RNF220: variants seen among roughly 807,000 people sequenced by gnomAD.
RNF220 encodes the protein E3 ubiquitin-protein ligase RNF220.
A neutral mutation model predicts 67.1 loss-of-function variants in RNF220; 7 were observed. That is an observed-to-expected ratio of 0.10 (90% CI 0.06 to 0.20). The LOEUF (loss-of-function observed/expected upper bound fraction) is 0.20, where lower values mean the gene tolerates loss of function less well. RNF220 is among the 10% of genes least tolerant of loss of function. The probability of loss-of-function intolerance (pLI) is 1.00; values close to 1 mark genes in which losing one functional copy is unlikely to be tolerated. For missense variants in RNF220, 565 were observed against 740.3 expected (o/e 0.76, Z 2.75); for synonymous variants, 270 against 283.2 (o/e 0.95, Z 0.47).
At chr1:44,479,871 G>A (rs1001015501) in intron 2 of RNF220, among the ~76,000 whole-genome samples, 1 of 152,286 alleles carries the variant, frequency 6.6e-6, no homozygotes, top group African/African-American at 2.4e-5. Flanking sequence ...AAAGCAGCCA[G>A]CTCATGCTTG....
At chr1:44,406,965 G>A (rs1233133848) in intron 1 of RNF220, among the ~76,000 whole-genome samples, 1 of 152,242 alleles carries the variant, frequency 6.6e-6, no homozygotes, top group Non-Finnish European at 1.5e-5. Context: ...AGGGCAGCCA[G>A]GAGGCAGGGG....
chr1:44,487,576 T>C (rs1656425437), intron 2 of RNF220, among the ~76,000 whole-genome samples: 1 of 150,790 alleles, frequency 6.6e-6, no homozygotes. Flanking sequence ...CTCCCACCTG[T>C]AATCCCAGCA....
Position 44,635,537 on chromosome 1 carries a change from C to T in RNF220, c.950-8C>T. ...GTTCTGTGCTTTGTTTTCGGTTTCC[C>T]CGTGCAGCTCGGATTGGGAAAATGA... On this transcript the variant is annotated splice_polypyrimidine_tract_variant and splice_region_variant and intron_variant, in intron 6 of 14. Transcript: ENST00000361799. The T allele has an allele frequency of 6.2e-7, 1 of 1,613,630 alleles. No homozygotes were observed. The highest frequency in any genetic ancestry group is 8.5e-7 in the Non-Finnish European group (1 of 1,179,676).
At position 44,507,873 on chromosome 1, in the gene RNF220, C is replaced by A. The variant is rs374363150; in HGVS notation, c.625+95151C>A. Among the ~76,000 whole-genome samples, 37 of 152,076 alleles carry A rather than the reference C, an allele frequency of 2.4e-4. 1 individual carries two copies. In the East Asian group the frequency reaches 6.0e-3, roughly 25 times the overall value. ...CTCTTTTGTGTGGAGGTGCCCCCCC[C>A]TCACCACACTCCCCCTTCTTTTTCT... On this transcript the variant is annotated intron_variant, in intron 2 of 14. Coordinates refer to ENST00000361799, the MANE Select transcript of RNF220 (RefSeq NM_018150.4).
intron 4 of RNF220, among the ~76,000 whole-genome samples, chr1:44,623,632 G>A (rs1643871130): frequency 1.3e-5 from 2 of 152,212 alleles, no homozygotes; most frequent in African/African-American, 4.8e-5. Flanking sequence ...AGTGAGGAAT[G>A]ACTATGGAAG....
At chr1:44,463,816 T>C (rs901687083) in intron 2 of RNF220, among the ~76,000 whole-genome samples, 12 of 152,228 alleles carry the variant, frequency 7.9e-5, no homozygotes, top group African/African-American at 2.9e-4. Context: ...CTCATGGAGT[T>C]TGAGCTTTAA....
intron 2 of RNF220, among the ~76,000 whole-genome samples, chr1:44,591,592 A>T (rs559348743): frequency 1.3e-5 from 2 of 152,354 alleles, no homozygotes; most frequent in South Asian, 4.1e-4. Flanking sequence ...GGTTAGAGGC[A>T]TGGCCAGAGC....
chr1:44,412,014 C>G lies in RNF220; in HGVS notation c.-84C>G, dbSNP rs1557898275. On this transcript the variant is annotated 5_prime_UTR_variant, in exon 2 of 15. Coordinates refer to ENST00000361799, the MANE Select transcript of RNF220 (RefSeq NM_018150.4). This position sits in a 1 kb window ranked among gnomAD's most constrained non-coding sequence, Gnocchi z 5.3. The stretch of plus-strand genomic sequence containing the variant: ...AGGGAATGATTCCCCAGTAATATTC[C>G]CTGCCCTGACCCAAAGTGCTGGTTG... 2 of 1,481,988 alleles carry G rather than the reference C, an allele frequency of 1.3e-6. No individual in the cohort carries two copies. The highest frequency in any genetic ancestry group is 1.8e-6 in the Non-Finnish European group (2 of 1,094,384). 91.8% of individuals were successfully genotyped at this position (1,481,988 alleles called of 1,614,324 possible). A position where few individuals can be genotyped will look rare whatever the true frequency, so the allele number is the denominator to read the frequency against.
At chr1:44,496,492 G>GA (rs1657356705) in intron 2 of RNF220, among the ~76,000 whole-genome samples, 1 of 152,036 alleles carries the variant, frequency 6.6e-6, no homozygotes, top group African/African-American at 2.4e-5. Flanking sequence ...TAATGCTAAG[G>GA]AAAAAAGGGG....
intron 2 of RNF220, among the ~76,000 whole-genome samples, chr1:44,437,997 T>A (rs1411850163): frequency 6.6e-6 from 1 of 152,194 alleles, no homozygotes; most frequent in Non-Finnish European, 1.5e-5. Flanking sequence ...CTCAAACTCT[T>A]CTGGGAAAAT....
chr1:44,650,137 A>G lies in RNF220; in HGVS notation c.1629+180A>G. 1.5e-6 allele frequency: 1 copy of G among 651,382 alleles called. No homozygotes were observed. Among genetic ancestry groups the G allele is most frequent in the East Asian group, 2.8e-5 (1 of 36,292 alleles). The allele number at this position is 651,382 out of a possible 1,614,324, so 40.4% of individuals were successfully genotyped here. A position where few individuals can be genotyped will look rare whatever the true frequency, so the allele number is the denominator to read the frequency against. ...CCAGGCTCGCTGCCTCTCCTCCCCA[A>G]CTGCAGGTTTAGGAACTTCTCCCCC... On this transcript the variant is annotated intron_variant, in intron 14 of 14. Coordinates refer to ENST00000361799, the MANE Select transcript of RNF220 (RefSeq NM_018150.4). This position sits in a 1 kb window ranked among gnomAD's most constrained non-coding sequence, Gnocchi z 4.3.
At chr1:44,416,320 C>T (rs1246194191) in intron 2 of RNF220, among the ~76,000 whole-genome samples, 3 of 152,208 alleles carry the variant, frequency 2.0e-5, no homozygotes, top group African/African-American at 4.8e-5. Flanking sequence ...AAGTAGTTCA[C>T]GTGTGCTTTA....
intron 2 of RNF220, among the ~76,000 whole-genome samples, chr1:44,545,073 T>C (rs11211012): frequency 0.42 from 63,704 of 152,186 alleles, 15,228 homozygotes; most frequent in Middle Eastern, 0.55. Context: ...TACGCCGTAG[T>C]TCTCTAGGAA....
intron 3 of RNF220, among the ~76,000 whole-genome samples, chr1:44,616,822 C>A (rs994438775): frequency 1.3e-5 from 2 of 152,098 alleles, no homozygotes; most frequent in Non-Finnish European, 2.9e-5. Context: ...AGAATGCGGG[C>A]CCCCAGCTCT....
At chr1:44,469,330 G>A (rs901876250) in intron 2 of RNF220, among the ~76,000 whole-genome samples, 1 of 152,098 alleles carries the variant, frequency 6.6e-6, no homozygotes, top group African/African-American at 2.4e-5. Context: ...CAATCCGTAG[G>A]GTCTTTAATT....
At chr1:44,467,298 A>G (rs4562668) in intron 2 of RNF220, among the ~76,000 whole-genome samples, 46,720 of 151,836 alleles carry the variant, frequency 0.31, 7,356 homozygotes, top group Middle Eastern at 0.41. Flanking sequence ...TGCAACCTCC[A>G]CCTCCCAGGT....
intron 1 of RNF220, among the ~76,000 whole-genome samples, chr1:44,406,095 G>T (rs934353550): frequency 6.6e-6 from 1 of 152,200 alleles, no homozygotes; most frequent in Non-Finnish European, 1.5e-5. Context: ...GGGGCGAGCC[G>T]AATGAGAAAC....
At chr1:44,603,952 C>T (rs894301865) in intron 2 of RNF220, among the ~76,000 whole-genome samples, 2 of 152,236 alleles carry the variant, frequency 1.3e-5, no homozygotes, top group African/African-American at 4.8e-5. Flanking sequence ...GGATTTATTG[C>T]CCACAGCTGC....
chr1:44,428,130 T>C (rs1203565432), intron 2 of RNF220, among the ~76,000 whole-genome samples: 2 of 152,198 alleles, frequency 1.3e-5, no homozygotes, highest in Non-Finnish European at 2.9e-5. Flanking sequence ...TGACCACCTT[T>C]TTAAAATACC....
Sources: gnomAD v4.1 joint callset for allele counts (sites outside exome capture counted in the v4.1 genomes callset) on GRCh38, gnomAD v4.1.1 for gene constraint, Gnocchi (gnomAD v3.1) non-coding constraint, MANE v1.5 for transcripts, NCBI Gene and HGNC (gene_info 2026-07-23, HGNC 2026-07-21) for gene names.